The following PRELID2 variants were observed in gnomAD, a reference collection of about 807,000 sequenced individuals.
PRELID2 encodes the protein PRELI domain-containing protein 2.
Under a neutral mutation model 28.4 loss-of-function variants are expected in PRELID2, and 25 were observed. That is an observed-to-expected ratio of 0.88 (90% CI 0.64 to 1.23). The LOEUF is 1.23. PRELID2 is among the 50% of genes most tolerant of loss of function. The pLI is 0.00. For synonymous variants in PRELID2, 76 were observed against 71.6 expected (o/e 1.06, Z -0.31); for missense variants, 201 against 214.4 (o/e 0.94, Z 0.39).
At chr5:145,290,493 C>T in the PRELID2 span, among the ~76,000 whole-genome samples, 3 of 151,470 alleles carry the variant, frequency 2.0e-5, no homozygotes, top group Admixed American at 1.3e-4. Flanking sequence ...AGCAAACTAT[C>T]GCAAGGACAG....
intron 1 of PRELID2, among the ~76,000 whole-genome samples, chr5:145,540,105 T>A (rs573447451): frequency 2.6e-5 from 4 of 152,108 alleles, no homozygotes; most frequent in African/African-American, 9.6e-5. Flanking sequence ...TGGACCATGC[T>A]GACTTGCATC....
At chr5:145,239,055 A>G in the PRELID2 span, among the ~76,000 whole-genome samples, 1 of 152,082 alleles carries the variant, frequency 6.6e-6, no homozygotes, top group African/African-American at 2.4e-5. Context: ...AAACATCTGA[A>G]GCATTTTTTC....
intron 1 of PRELID2, among the ~76,000 whole-genome samples, chr5:145,641,516 A>G (rs1333098706): frequency 1.3e-5 from 2 of 152,140 alleles, no homozygotes; most frequent in Non-Finnish European, 2.9e-5. Context: ...ATTTTCTTTT[A>G]TTATTATTAT....
At chr5:145,441,824 G>A in the PRELID2 span, among the ~76,000 whole-genome samples, 1 of 152,100 alleles carries the variant, frequency 6.6e-6, no homozygotes, top group African/African-American at 2.4e-5. Context: ...TGCCTCTGCT[G>A]ACTCTAAGAA....
At chr5:145,269,597 A>G in the PRELID2 span, among the ~76,000 whole-genome samples, 2 of 151,830 alleles carry the variant, frequency 1.3e-5, no homozygotes, top group Non-Finnish European at 2.9e-5. Context: ...TTTAAAGAGG[A>G]AGCAGAAATC....
At chr5:145,616,942 C>A (rs1035087397) in intron 1 of PRELID2, among the ~76,000 whole-genome samples, 2 of 152,122 alleles carry the variant, frequency 1.3e-5, no homozygotes, top group Admixed American at 6.5e-5. Context: ...CCCGAAGCGG[C>A]CATTTTAGAA....
In PRELID2 at chr5:145,830,140, G is replaced by A. The variant is rs1755486157; in HGVS notation, c.75+5037C>T. On this transcript the variant is annotated intron_variant, in intron 1 of 6. Coordinates refer to ENST00000683046, the MANE Select transcript of PRELID2 (RefSeq NM_205846.3). Reference sequence around the variant, plus strand: ...GTCAGTTCATTCATTCATTCAGCAAGGATTTGCTGAGTACCTACTATGTTC... The same window carrying A: ...GTCAGTTCATTCATTCATTCAGCAAAGATTTGCTGAGTACCTACTATGTTC... Among the ~76,000 whole-genome samples, 11 of 152,310 alleles carry A rather than the reference G, an allele frequency of 7.2e-5. No homozygotes were observed. In the South Asian group the frequency reaches 2.3e-3, roughly 32 times the overall value.
chr5:145,717,228 A>G (rs1324459449), intron 1 of PRELID2, among the ~76,000 whole-genome samples: 1 of 152,142 alleles, frequency 6.6e-6, no homozygotes, highest in Non-Finnish European at 1.5e-5. Context: ...CCCTAGTGAC[A>G]GAAAGTAGAT....
chr5:145,311,043 T>A, the PRELID2 span, among the ~76,000 whole-genome samples: 1 of 152,214 alleles, frequency 6.6e-6, no homozygotes, highest in African/African-American at 2.4e-5. Flanking sequence ...ACAATTCTGA[T>A]GTATAAGTAA....
At chr5:145,725,965 T>C (rs1002486604) in intron 1 of PRELID2, among the ~76,000 whole-genome samples, 1 of 152,054 alleles carries the variant, frequency 6.6e-6, no homozygotes, top group Non-Finnish European at 1.5e-5. Context: ...GGTAGATCAC[T>C]TGAGCCCAGG....
At chr5:145,280,632 C>T in the PRELID2 span, among the ~76,000 whole-genome samples, 2 of 150,600 alleles carry the variant, frequency 1.3e-5, no homozygotes, top group Non-Finnish European at 3.0e-5. Flanking sequence ...GCACATGTAC[C>T]CTAAAACTTA....
intron 1 of PRELID2, among the ~76,000 whole-genome samples, chr5:145,673,914 G>A (rs1381533750): frequency 1.3e-5 from 2 of 152,008 alleles, no homozygotes; most frequent in African/African-American, 4.8e-5. Context: ...CAAATAAGAA[G>A]GCTTTCTTTC....
chr5:145,474,138 C>T (rs1287885232), intron 1 of PRELID2, among the ~76,000 whole-genome samples: 2 of 152,146 alleles, frequency 1.3e-5, no homozygotes, highest in Non-Finnish European at 2.9e-5. Context: ...GATTCCAATA[C>T]CTGTGAGAAT....
the PRELID2 span, among the ~76,000 whole-genome samples, chr5:145,317,641 C>T: frequency 2.0e-5 from 3 of 152,310 alleles, no homozygotes; most frequent in Admixed American, 6.5e-5. Context: ...GAGTATTTCT[C>T]TCCTCTCTGT....
chr5:145,740,841 G>GTACATATATTTATCT (rs1561566829), intron 1 of PRELID2, among the ~76,000 whole-genome samples: 5 of 32,852 alleles, frequency 1.5e-4, no homozygotes, highest in African/African-American at 6.9e-4. Context: ...TATATTTATC[G>GTACATATATTTATCT]ATAAATATAT....
At chr5:145,696,104 T>C (rs1755255345) in intron 1 of PRELID2, among the ~76,000 whole-genome samples, 2 of 151,452 alleles carry the variant, frequency 1.3e-5, no homozygotes, top group South Asian at 4.2e-4. Context: ...TTGAAAATCA[T>C]GTATATATGG....
the PRELID2 span, among the ~76,000 whole-genome samples, chr5:145,354,813 T>TA: frequency 6.6e-6 from 1 of 152,154 alleles, no homozygotes; most frequent in East Asian, 1.9e-4. Flanking sequence ...TTATGCCACT[T>TA]AGGGCAGGGG....
the PRELID2 span, among the ~76,000 whole-genome samples, chr5:145,465,441 C>T: frequency 2.0e-5 from 3 of 152,086 alleles, no homozygotes; most frequent in Non-Finnish European, 1.5e-5. Context: ...TCCTAATAAA[C>T]CCAGATCTTT....
intron 5 of PRELID2, among the ~76,000 whole-genome samples, chr5:145,769,805 C>T (rs1346675169): frequency 6.6e-6 from 1 of 152,138 alleles, no homozygotes; most frequent in African/African-American, 2.4e-5. Flanking sequence ...GCAGATAAGA[C>T]AAGAAGCCTG....
Sources: gnomAD v4.1 joint callset for allele counts (sites outside exome capture counted in the v4.1 genomes callset) on GRCh38, gnomAD v4.1.1 for gene constraint, MANE v1.5 for transcripts, NCBI Gene and HGNC (gene_info 2026-07-23, HGNC 2026-07-21) for gene names.